The following LRRC7 variants were observed in gnomAD, a reference collection of about 807,000 sequenced individuals.
LRRC7 encodes the protein leucine-rich repeat-containing protein 7.
Under a neutral mutation model 175.7 loss-of-function variants are expected in LRRC7, and 23 were observed. The ratio of observed to expected loss-of-function variants is 0.13; its 90% CI spans 0.09 to 0.19. The LOEUF (loss-of-function observed/expected upper bound fraction) is 0.19. LRRC7 is among the 10% of genes least tolerant of loss of function. LRRC7 has a pLI of 1.00. For missense variants in LRRC7, 1,354 were observed against 1,904.7 expected (o/e 0.71, Z 5.38); for synonymous variants, 685 against 680.9 (o/e 1.01, Z -0.09).
intron 23 of LRRC7, among the ~76,000 whole-genome samples, chr1:70,072,937 TG>T (rs1373494939): frequency 6.6e-6 from 1 of 152,096 alleles, no homozygotes; most frequent in Non-Finnish European, 1.5e-5. Flanking sequence ...CTAATGAGGG[TG>T]GGTGTCAATT....
intron 1 of LRRC7, among the ~76,000 whole-genome samples, chr1:69,673,379 C>T (rs1659361997): frequency 6.6e-6 from 1 of 152,184 alleles, no homozygotes; most frequent in Admixed American, 6.5e-5. Context: ...AGCAGTTGAA[C>T]ACGTAGGCTG....
intron 8 of LRRC7, among the ~76,000 whole-genome samples, chr1:69,954,629 T>C (rs563734582): frequency 6.6e-6 from 1 of 152,204 alleles, no homozygotes; most frequent in Admixed American, 6.6e-5. Context: ...GAATTCACAT[T>C]TTTAGCAAAA....
intron 7 of LRRC7, among the ~76,000 whole-genome samples, chr1:69,861,533 G>C (rs1482938055): frequency 3.9e-5 from 6 of 152,152 alleles, no homozygotes; most frequent in African/African-American, 1.2e-4. Flanking sequence ...AATTTAACAA[G>C]TCCAGCCTAC....
intron 7 of LRRC7, among the ~76,000 whole-genome samples, chr1:69,879,242 C>T (rs113953049): frequency 1.9e-3 from 200 of 104,234 alleles, no homozygotes; most frequent in African/African-American, 9.3e-3. Flanking sequence ...AAAAAGACTG[C>T]GCACTGGCCA....
intron 26 of LRRC7, among the ~76,000 whole-genome samples, chr1:70,115,582 C>T (rs1452214787): frequency 6.6e-6 from 1 of 151,992 alleles, no homozygotes; most frequent in Non-Finnish European, 1.5e-5. Flanking sequence ...TATTTATTTA[C>T]CTGGAAAATG....
chr1:69,916,024 T>A (rs1360120243), intron 7 of LRRC7, among the ~76,000 whole-genome samples: 10 of 130,386 alleles, frequency 7.7e-5, no homozygotes, highest in Middle Eastern at 3.5e-3. Flanking sequence ...CTTAGCTATT[T>A]TATATATATA....
intron 1 of LRRC7, among the ~76,000 whole-genome samples, chr1:69,645,722 G>T (rs994737085): frequency 6.6e-6 from 1 of 151,824 alleles, no homozygotes; most frequent in East Asian, 1.9e-4. Context: ...ATTAATAAGT[G>T]TATCCTATAG....
At chr1:69,678,511 A>G (rs1426310432) in intron 2 of LRRC7, 33 bp downstream of exon 2, 3 of 1,516,010 alleles carry the variant, frequency 2.0e-6, no homozygotes, top group Middle Eastern at 1.7e-4. Flanking sequence ...CCTGTGTTCT[A>G]GATAGATTTT....
At chr1:70,026,940 C>T (rs2101991154) in intron 17 of LRRC7, among the ~76,000 whole-genome samples, 1 of 152,224 alleles carries the variant, frequency 6.6e-6, no homozygotes, top group Middle Eastern at 3.4e-3. Context: ...TGTTTGAATT[C>T]ACATTCATAG....
chr1:69,946,190 T>C (rs1457825337), intron 8 of LRRC7, among the ~76,000 whole-genome samples: 1 of 152,192 alleles, frequency 6.6e-6, no homozygotes, highest in African/African-American at 2.4e-5. Flanking sequence ...TGAAAAGGTG[T>C]TGAATTTTGT....
intron 3 of LRRC7, among the ~76,000 whole-genome samples, chr1:69,773,349 A>G (rs1181576325): frequency 6.6e-6 from 1 of 152,186 alleles, no homozygotes; most frequent in African/African-American, 2.4e-5. Context: ...GGTGCAGATG[A>G]TGATGGTTGG....
chr1:69,608,168 G>A (rs1647943899), intron 1 of LRRC7: 2 of 152,386 alleles, frequency 1.3e-5, no homozygotes, highest in Admixed American at 1.3e-4. Context: ...TAATATACAA[G>A]TGTCGGTGAT....
At chr1:69,918,663 G>A (rs1646790805) in intron 7 of LRRC7, among the ~76,000 whole-genome samples, 1 of 152,066 alleles carries the variant, frequency 6.6e-6, no homozygotes. Flanking sequence ...AAATAAGAAT[G>A]TAATATTTTA....
At chr1:69,597,086 CCT>C (rs1646873328) in intron 1 of LRRC7, among the ~76,000 whole-genome samples, 1 of 152,118 alleles carries the variant, frequency 6.6e-6, no homozygotes, top group Admixed American at 6.5e-5. Flanking sequence ...AATATTTTCC[CCT>C]CTTATTGGAG....
chr1:69,999,219 G>A (rs1382074286), intron 11 of LRRC7, among the ~76,000 whole-genome samples: 1 of 152,170 alleles, frequency 6.6e-6, no homozygotes, highest in Non-Finnish European at 1.5e-5. Flanking sequence ...TTATACTACT[G>A]TATTCAAAAG....
At position 69,883,745 on chromosome 1, in the gene LRRC7, TA is replaced by T. The variant is rs1460018637; in HGVS notation, c.647+45463del. 2.2e-5 allele frequency among the ~76,000 whole-genome samples: 2 copies of T among 92,178 alleles called. 1 individual carries two copies. Among genetic ancestry groups the T allele is most frequent in the African/African-American group, 8.2e-5 (2 of 24,282 alleles). The allele number at this position is 92,178 out of a possible 152,430, so 60.5% of individuals were successfully genotyped here. The stretch of plus-strand genomic sequence containing the variant: ...TTTTCTTCTAGGGTTTTTATGGTTT[TA>T]GGTCTAACGTTTAAGTCTTTAATCC... On this transcript the variant is annotated intron_variant, in intron 7 of 26. Coordinates refer to ENST00000651989, the MANE Select transcript of LRRC7 (RefSeq NM_001370785.2).
chr1:69,818,918 T>C (rs1678909367), intron 4 of LRRC7, among the ~76,000 whole-genome samples: 1 of 152,116 alleles, frequency 6.6e-6, no homozygotes, highest in Non-Finnish European at 1.5e-5. Flanking sequence ...GATTTGTATA[T>C]CTGTAGTAAC....
intron 2 of LRRC7, among the ~76,000 whole-genome samples, chr1:69,733,115 A>T (rs567558311): frequency 6.6e-6 from 1 of 152,098 alleles, no homozygotes; most frequent in Non-Finnish European, 1.5e-5. Context: ...ATGAGGATCA[A>T]TGTGCTCTAT....
At chr1:69,577,496 G>A (rs898829362) in intron 1 of LRRC7, among the ~76,000 whole-genome samples, 1 of 152,208 alleles carries the variant, frequency 6.6e-6, no homozygotes, top group South Asian at 2.1e-4. Context: ...TTTCTTCTAG[G>A]GTTTTTATGG....
Sources: gnomAD v4.1 joint callset for allele counts (sites outside exome capture counted in the v4.1 genomes callset) on GRCh38, gnomAD v4.1.1 for gene constraint, MANE v1.5 for transcripts, NCBI Gene and HGNC (gene_info 2026-07-23, HGNC 2026-07-21) for gene names.